The following CYP20A1 variants were observed in gnomAD, a reference collection of about 807,000 sequenced individuals.
CYP20A1 encodes the protein cytochrome P450 20A1.
CYP20A1 carries 61 observed loss-of-function variants against 61.4 expected under a neutral mutation model. The ratio of observed to expected loss-of-function variants is 0.99; its 90% CI spans 0.81 to 1.23. The LOEUF is 1.23. Among genes scored for constraint, CYP20A1 ranks in the 50% most tolerant of loss-of-function variants. The probability of loss-of-function intolerance (pLI) is 0.00; values close to 1 mark genes in which losing one functional copy is unlikely to be tolerated. For missense variants in CYP20A1, 530 were observed against 542.4 expected (o/e 0.98, Z 0.23); for synonymous variants, 193 against 188.2 (o/e 1.03, Z -0.21).
At chr2:203,287,972 G>T (rs1323275761) in intron 9 of CYP20A1, among the ~76,000 whole-genome samples, 1 of 142,858 alleles carries the variant, frequency 7.0e-6, no homozygotes, top group Non-Finnish European at 1.5e-5. Flanking sequence ...TTTTTTTATC[G>T]TCGGTGGTGG....
rs769593097 is a variant in CYP20A1 at position 203,239,026 on chromosome 2, G to A, written c.-37G>A. ...CAGGCTGAGGCGCTGCTGCTGGAGC[G>A]GCCGATCCGAGACGTGGCTCCCTGG... On this transcript the variant is annotated 5_prime_UTR_variant, in exon 1 of 13. Transcript: ENST00000356079. The A allele has an allele frequency of 1.9e-6, 3 of 1,592,118 alleles. No homozygotes were observed. The highest frequency in any genetic ancestry group is 1.1e-5 in the South Asian group (1 of 90,652).
chr2:203,285,054 A>G (rs1009013799), intron 8 of CYP20A1, among the ~76,000 whole-genome samples: 1 of 152,066 alleles, frequency 6.6e-6, no homozygotes, highest in Non-Finnish European at 1.5e-5. Flanking sequence ...TGCTGGGGTT[A>G]CAGGTGTGAG....
At position 203,300,032 on chromosome 2, in the gene CYP20A1, T is replaced by C. The variant is rs142841754; in HGVS notation, c.*3124T>C. Among the ~76,000 whole-genome samples, 4 of 152,310 alleles carry C rather than the reference T, an allele frequency of 2.6e-5. No homozygotes were observed. Among genetic ancestry groups the C allele is most frequent in the African/African-American group, 2.4e-5 (1 of 41,568 alleles). ...AGAAGGTTAGAGTAGCCAATTGATA[T>C]GTAAACCAAGTGTCAGATCAGATGA... On this transcript the variant is annotated 3_prime_UTR_variant, in exon 13 of 13. Coordinates refer to ENST00000356079, the MANE Select transcript of CYP20A1 (RefSeq NM_177538.3).
chr2:203,290,612 T>C (rs1331081768), intron 10 of CYP20A1, among the ~76,000 whole-genome samples: 2 of 152,176 alleles, frequency 1.3e-5, no homozygotes, highest in African/African-American at 4.8e-5. Flanking sequence ...GGCTGCATAA[T>C]ATTCCATTGT....
chr2:203,272,836 G>T (rs951907386), intron 6 of CYP20A1, 88 bp downstream of exon 6: 1 of 737,594 alleles, frequency 1.4e-6, no homozygotes, highest in Non-Finnish European at 2.1e-6. Flanking sequence ...TGAGATTAAA[G>T]GTCATTTATA....
chr2:203,271,052 GTGTATATATATATATA>G (rs1399438786), intron 5 of CYP20A1, among the ~76,000 whole-genome samples: 33 of 45,752 alleles, frequency 7.2e-4, no homozygotes, highest in Middle Eastern at 0.022. Context: ...ATATGTATAT[GTGTATATATATATATA>G]TATATATATA....
rs889930339 is a variant in CYP20A1, at chr2:203,304,137, G to A, written c.*7229G>A. The stretch of plus-strand genomic sequence containing the variant: ...GAGAGGCTGAGGCAGGAGAATGTCT[G>A]GGAGGTGGAGGTTGCAGTGTGCCGA... On this transcript the variant is annotated 3_prime_UTR_variant, in exon 13 of 13. Transcript: ENST00000356079. Among the ~76,000 whole-genome samples the A allele has an allele frequency of 6.6e-6, 1 of 151,820 alleles. No individual in the cohort carries two copies. The highest frequency in any genetic ancestry group is 1.5e-5 in the Non-Finnish European group (1 of 67,946).
At chr2:203,263,534 C>T (rs533052452) in intron 4 of CYP20A1, among the ~76,000 whole-genome samples, 8 of 152,076 alleles carry the variant, frequency 5.3e-5, no homozygotes, top group African/African-American at 1.9e-4. Flanking sequence ...ATGATCTGCC[C>T]GCCTCGGCCC....
chr2:203,273,450 G>A (rs2067688559), intron 6 of CYP20A1, among the ~76,000 whole-genome samples: 1 of 152,064 alleles, frequency 6.6e-6, no homozygotes, highest in African/African-American at 2.4e-5. Context: ...ACAAACTAAA[G>A]GTTCAACATT....
intron 1 of CYP20A1, among the ~76,000 whole-genome samples, chr2:203,242,353 T>C (rs1391063806): frequency 1.3e-5 from 2 of 152,118 alleles, no homozygotes; most frequent in African/African-American, 4.8e-5. Flanking sequence ...TTCAGAGATA[T>C]CAAGTATAGA....
intron 11 of CYP20A1, among the ~76,000 whole-genome samples, chr2:203,295,581 A>G (rs1347859311): frequency 6.6e-6 from 1 of 152,188 alleles, no homozygotes; most frequent in Admixed American, 6.5e-5. Flanking sequence ...TATTTCACAA[A>G]ATAATATAAA....
chr2:203,267,135 C>T (rs2067358086), intron 5 of CYP20A1, among the ~76,000 whole-genome samples: 1 of 151,908 alleles, frequency 6.6e-6, no homozygotes, highest in East Asian at 1.9e-4. Flanking sequence ...GCACTCCAGC[C>T]TGGGAGACAA....
chr2:203,283,286 G>A (rs566722185), intron 8 of CYP20A1, among the ~76,000 whole-genome samples: 2 of 134,436 alleles, frequency 1.5e-5, no homozygotes, highest in African/African-American at 2.8e-5. Context: ...GTGCAATCTC[G>A]GCTCACTGCA....
At chr2:203,245,207 T>A (rs905890445) in intron 1 of CYP20A1, among the ~76,000 whole-genome samples, 2 of 151,312 alleles carry the variant, frequency 1.3e-5, no homozygotes, top group African/African-American at 4.9e-5. Context: ...TTTATATTTT[T>A]AGTAGAGAAG....
intron 1 of CYP20A1, among the ~76,000 whole-genome samples, chr2:203,241,604 C>A (rs1286578148): frequency 6.6e-6 from 1 of 152,192 alleles, no homozygotes; most frequent in Non-Finnish European, 1.5e-5. Context: ...TCAGCTAAGT[C>A]AAATGCTGCA....
intron 1 of CYP20A1, among the ~76,000 whole-genome samples, chr2:203,243,038 G>A (rs970944418): frequency 6.6e-6 from 1 of 152,108 alleles, no homozygotes; most frequent in African/African-American, 2.4e-5. Flanking sequence ...AACCTTAAGT[G>A]GGGTGTCTGG....
chr2:203,240,609 G>A (rs1180865083), intron 1 of CYP20A1, among the ~76,000 whole-genome samples: 2 of 152,184 alleles, frequency 1.3e-5, no homozygotes, highest in Admixed American at 6.6e-5. Flanking sequence ...GTAGAAACGC[G>A]AAGAAGGTGA....
At chr2:203,257,686 G>A (rs1440070488) in intron 4 of CYP20A1, among the ~76,000 whole-genome samples, 1 of 151,586 alleles carries the variant, frequency 6.6e-6, no homozygotes, top group Non-Finnish European at 1.5e-5. Context: ...CTACTCAGGA[G>A]GCTGAGGCAG....
In CYP20A1 at chr2:203,305,194, C is replaced by CTTTT. The variant is rs11304494; in HGVS notation, c.*8308_*8311dup. Reference sequence around the variant, plus strand: ...AATTGGTTTACAGTTCGGTGGCTGTCTTTTTTTTTTTTTTTTTTTTTTTTT... The same window carrying CTTTT: ...AATTGGTTTACAGTTCGGTGGCTGTCTTTTTTTTTTTTTTTTTTTTTTTTTTTTT... On this transcript the variant is annotated 3_prime_UTR_variant, in exon 13 of 13. Coordinates refer to ENST00000356079, the MANE Select transcript of CYP20A1 (RefSeq NM_177538.3). Among the ~76,000 whole-genome samples, 31 of 56,902 alleles carry CTTTT rather than the reference C, an allele frequency of 5.4e-4. No individual in the cohort carries two copies. The highest frequency in any genetic ancestry group is 2.9e-3 in the East Asian group (5 of 1,704). 37.3% of individuals were successfully genotyped at this position (56,902 alleles called of 152,430 possible).
Sources: allele counts gnomAD v4.1 joint callset (sites outside exome capture counted in the v4.1 genomes callset), GRCh38; gene constraint gnomAD v4.1.1; transcripts MANE v1.5; gene names NCBI Gene and HGNC (gene_info 2026-07-23, HGNC 2026-07-21).